CCDC33: variants seen among roughly 807,000 people sequenced by gnomAD.
The protein encoded by CCDC33 is coiled-coil domain-containing protein 33.
A neutral mutation model predicts 91.9 loss-of-function variants in CCDC33; 94 were observed. The ratio of observed to expected loss-of-function variants is 1.02; its 90% CI spans 0.87 to 1.21. CCDC33 has a LOEUF of 1.21. Ranked by LOEUF, CCDC33 falls within the 50% of genes most tolerant of loss-of-function variation. CCDC33 has a pLI of 0.00. For synonymous variants in CCDC33, 396 were observed against 374.5 expected (o/e 1.06, Z -0.66); for missense variants, 940 against 935.5 (o/e 1.00, Z -0.06).
chr15:74,250,730 T>C (rs954364989), intron 2 of CCDC33, among the ~76,000 whole-genome samples: 1 of 152,222 alleles, frequency 6.6e-6, no homozygotes, highest in Admixed American at 6.5e-5. Flanking sequence ...AAACACAGTA[T>C]CTGGAACATA....
intron 2 of CCDC33, among the ~76,000 whole-genome samples, chr15:74,225,011 A>C (rs1156463724): frequency 6.6e-5 from 10 of 152,052 alleles, no homozygotes; most frequent in Non-Finnish European, 1.5e-4. Context: ...AGCCTCCATT[A>C]GCAGATTGTT....
chr15:74,334,932 C>T, intron 17 of CCDC33, 43 bp from the exon 18 acceptor site: 19 of 1,503,386 alleles, frequency 1.3e-5, no homozygotes, highest in Non-Finnish European at 1.8e-5. Context: ...GGGATTAGCC[C>T]TGCTGCCCAT....
At chr15:74,275,954 G>C (rs903608447) in intron 7 of CCDC33, among the ~76,000 whole-genome samples, 1 of 152,174 alleles carries the variant, frequency 6.6e-6, no homozygotes, top group African/African-American at 2.4e-5. Flanking sequence ...CAGGCCTGAG[G>C]CACCGCACCC....
At chr15:74,320,716 G>A (rs2060189685) in intron 11 of CCDC33, among the ~76,000 whole-genome samples, 1 of 152,152 alleles carries the variant, frequency 6.6e-6, no homozygotes, top group African/African-American at 2.4e-5. Flanking sequence ...AGACCACCCT[G>A]CCCTCACCTC....
At chr15:74,249,332 A>C (rs547476517) in intron 2 of CCDC33, among the ~76,000 whole-genome samples, 1 of 151,532 alleles carries the variant, frequency 6.6e-6, no homozygotes, top group South Asian at 2.1e-4. Flanking sequence ...TAAAAATACA[A>C]AAAAAATTAG....
At chr15:74,318,130 CAG>C (rs2060130363) in intron 11 of CCDC33, among the ~76,000 whole-genome samples, 1 of 120,136 alleles carries the variant, frequency 8.3e-6, no homozygotes, top group Non-Finnish European at 1.7e-5. Flanking sequence ...AATCAGGGAG[CAG>C]AGAGACTAAG....
intron 3 of CCDC33, 145 bp from the exon 4 acceptor site, chr15:74,266,533 C>T: frequency 1.5e-6 from 1 of 663,318 alleles, no homozygotes; most frequent in Admixed American, 2.2e-5. Flanking sequence ...AGGGGTGATC[C>T]ACACATGTGT....
chr15:74,261,979 A>T (rs1305659305), intron 2 of CCDC33, among the ~76,000 whole-genome samples: 3 of 152,200 alleles, frequency 2.0e-5, no homozygotes, highest in Non-Finnish European at 2.9e-5. Flanking sequence ...AATCTGGGCC[A>T]GAAGTTTAGG....
At chr15:74,310,573 C>T (rs2059974042) in intron 11 of CCDC33, among the ~76,000 whole-genome samples, 2 of 152,002 alleles carry the variant, frequency 1.3e-5, no homozygotes, top group South Asian at 2.1e-4. Context: ...ATTTTGAGAC[C>T]GACTCTGAGG....
At chr15:74,207,138 A>G (rs1164624516) in intron 1 of CCDC33, among the ~76,000 whole-genome samples, 1 of 152,208 alleles carries the variant, frequency 6.6e-6, no homozygotes, top group Non-Finnish European at 1.5e-5. Context: ...TTTTGCATCC[A>G]GGAGCAGAGG....
At chr15:74,235,526 A>G (rs1331241388), upstream of CCDC33, among the ~76,000 whole-genome samples, 2 of 152,114 alleles carry the variant, frequency 1.3e-5, no homozygotes, top group African/African-American at 2.4e-5. Flanking sequence ...CAGTACCCCA[A>G]ATCCCTCCTC....
At chr15:74,208,588 A>T (rs2142116733) in intron 1 of CCDC33, among the ~76,000 whole-genome samples, 1 of 152,086 alleles carries the variant, frequency 6.6e-6, no homozygotes, top group East Asian at 1.9e-4. Flanking sequence ...TGCCTTTTGG[A>T]GCTCCTGCTA....
intron 9 of CCDC33, 104 bp from the exon 10 acceptor site, chr15:74,281,674 C>A: frequency 1.9e-6 from 2 of 1,038,666 alleles, no homozygotes; most frequent in Non-Finnish European, 1.5e-6. Flanking sequence ...CTCCTGGGTG[C>A]AGCCCGCAGG....
At chr15:74,313,572 G>A (rs1047832886) in intron 11 of CCDC33, among the ~76,000 whole-genome samples, 10 of 151,808 alleles carry the variant, frequency 6.6e-5, no homozygotes, top group Non-Finnish European at 1.0e-4. Flanking sequence ...GGTGCTGGCC[G>A]CGATGCTCCG....
chr15:74,226,955 A>C (rs946211052), intron 2 of CCDC33, among the ~76,000 whole-genome samples: 3 of 152,170 alleles, frequency 2.0e-5, no homozygotes, highest in Non-Finnish European at 4.4e-5. Context: ...AGGGAGTTGC[A>C]GGGGATGCCA....
At chr15:74,300,857 T>G (rs760611585) in intron 11 of CCDC33, 1 of 152,430 alleles carries the variant, frequency 6.6e-6, no homozygotes, top group Non-Finnish European at 1.5e-5. Flanking sequence ...TCTACCTCAT[T>G]CCCAGACTGC....
chr15:74,227,009 G>A (rs1342063011), intron 2 of CCDC33, among the ~76,000 whole-genome samples: 2 of 152,124 alleles, frequency 1.3e-5, no homozygotes, highest in Admixed American at 6.5e-5. Flanking sequence ...TTCGAGCTCT[G>A]TACTATCCCC....
At chr15:74,276,440 T>C (rs1026085753) in intron 7 of CCDC33, among the ~76,000 whole-genome samples, 2 of 152,158 alleles carry the variant, frequency 1.3e-5, no homozygotes, top group East Asian at 1.9e-4. Context: ...CGGGAAGCCA[T>C]GTGTGCCCAC....
intron 18 of CCDC33, 186 bp from the exon 19 acceptor site, chr15:74,335,739 G>C (rs2060552654): frequency 1.7e-6 from 1 of 589,644 alleles, no homozygotes; most frequent in South Asian, 2.0e-5. Context: ...ACTCACCTGA[G>C]CCCTGGGGAC....
Sources: allele counts gnomAD v4.1 joint callset (sites outside exome capture counted in the v4.1 genomes callset), GRCh38; gene constraint gnomAD v4.1.1; transcripts MANE v1.5; gene names NCBI Gene and HGNC (gene_info 2026-07-23, HGNC 2026-07-21).